CCNY: variants seen among roughly 807,000 people sequenced by gnomAD.
CCNY encodes cyclin Y.
In CCNY, 19 loss-of-function variants were observed where a neutral mutation model predicts 42.8. That is an observed-to-expected ratio of 0.44 (90% CI 0.31 to 0.65). The LOEUF (loss-of-function observed/expected upper bound fraction) is 0.65, where lower values mean the gene tolerates loss of function less well. Ranked by LOEUF, CCNY falls within the 30% of genes least tolerant of loss-of-function variation. CCNY has a pLI of 0.07. For synonymous variants in CCNY, 165 were observed against 162.7 expected, an observed-to-expected ratio of 1.01 and a Z score of -0.11; for missense variants, 370 against 437.3, an observed-to-expected ratio of 0.85 and a Z score of 1.37.
intron 4 of CCNY, among the ~76,000 whole-genome samples, chr10:35,519,573 A>G (rs887632239): frequency 6.6e-6 from 1 of 151,518 alleles, no homozygotes; most frequent in South Asian, 2.1e-4. Flanking sequence ...TCCCCCACCA[A>G]TGTCCCCCTG....
intron 1 of CCNY, among the ~76,000 whole-genome samples, chr10:35,400,451 C>T (rs950158700): frequency 6.6e-6 from 1 of 152,122 alleles, no homozygotes; most frequent in Admixed American, 6.5e-5. Flanking sequence ...GGAATGGAGC[C>T]TTGTAATTGC....
At chr10:35,329,004 A>G (rs935468506) in intron 3 of CCNY, among the ~76,000 whole-genome samples, 1 of 152,254 alleles carries the variant, frequency 6.6e-6, no homozygotes, top group African/African-American at 2.4e-5. Context: ...CTTGATAAGT[A>G]TGTATAAAAT....
chr10:35,401,215 T>G (rs1837637179), intron 1 of CCNY, among the ~76,000 whole-genome samples: 1 of 152,236 alleles, frequency 6.6e-6, no homozygotes, highest in African/African-American at 2.4e-5. Context: ...TCAGGTTTAA[T>G]AAGAATAGAA....
intron 7 of CCNY, among the ~76,000 whole-genome samples, chr10:35,535,388 G>GT (rs1840864615): frequency 6.6e-6 from 1 of 152,096 alleles, no homozygotes; most frequent in African/African-American, 2.4e-5. Flanking sequence ...GCAGTTGTGA[G>GT]TTTGCCCACA....
In CCNY at chr10:35,571,332, A is replaced by G. The variant is rs1841682141; in HGVS notation, c.*2162A>G. 1 of 152,482 alleles carries G rather than the reference A, an allele frequency of 6.6e-6. No homozygotes were observed. The highest frequency in any genetic ancestry group is 1.5e-5 in the Non-Finnish European group (1 of 68,022). 9.4% of individuals were successfully genotyped at this position (152,482 alleles called of 1,614,324 possible). On this transcript the variant is annotated 3_prime_UTR_variant, in exon 10 of 10. Transcript: ENST00000374704. Reference sequence around the variant, plus strand: ...TTAAACTACTTTAAAAAAATTGTATAGTCTATTTATTGTATGTATGTACAT... The same window carrying G: ...TTAAACTACTTTAAAAAAATTGTATGGTCTATTTATTGTATGTATGTACAT...
intron 1 of CCNY, among the ~76,000 whole-genome samples, chr10:35,422,203 C>T (rs1008898978): frequency 3.3e-5 from 5 of 152,074 alleles, no homozygotes; most frequent in Admixed American, 6.5e-5. Context: ...AACCTACAGT[C>T]GTCAATAAAA....
intron 9 of CCNY, among the ~76,000 whole-genome samples, chr10:35,567,346 GTTCACCAGGCTC>G (rs1841592643): frequency 6.6e-6 from 1 of 152,236 alleles, no homozygotes; most frequent in Non-Finnish European, 1.5e-5. Flanking sequence ...CGCCTCATAT[GTTCACCAGGCTC>G]TTCCCACTTG....
intron 3 of CCNY, among the ~76,000 whole-genome samples, chr10:35,288,621 G>A (rs564560395): frequency 6.6e-6 from 1 of 152,204 alleles, no homozygotes; most frequent in East Asian, 1.9e-4. Context: ...TACATTTAAG[G>A]TATACAATCC....
At chr10:35,511,722 G>A (rs192856488) in intron 3 of CCNY, among the ~76,000 whole-genome samples, 12 of 152,338 alleles carry the variant, frequency 7.9e-5, no homozygotes, top group East Asian at 1.9e-4. Context: ...GTGAATACAC[G>A]TAAAGTAACC....
intron 1 of CCNY, among the ~76,000 whole-genome samples, chr10:35,349,314 T>G (rs1251629049): frequency 6.6e-6 from 1 of 152,196 alleles, no homozygotes; most frequent in East Asian, 1.9e-4. Context: ...GCAGAGCCTC[T>G]CCTTGCTACC....
intron 1 of CCNY, among the ~76,000 whole-genome samples, chr10:35,378,000 T>C (rs961931752): frequency 2.6e-5 from 4 of 152,218 alleles, no homozygotes; most frequent in Non-Finnish European, 5.9e-5. Flanking sequence ...TTATGGACTT[T>C]TAAGATAACA....
Position 35,495,034 on chromosome 10 carries a change from C to G in CCNY, c.230-6467C>G, listed in dbSNP as rs113988898. Among the ~76,000 whole-genome samples, 511 of 152,330 alleles carry G rather than the reference C, an allele frequency of 3.4e-3. 4 individuals are homozygous for G. The highest frequency in any genetic ancestry group is 0.012 in the African/African-American group (481 of 41,556). On this transcript the variant is annotated intron_variant, in intron 2 of 9. Transcript: ENST00000374704. ...ACTCATTGGAGCATTTTGGATTTCA[C>G]ATTTTTGGATTTGGGATGCTCAAAT...
At chr10:35,428,457 A>G (rs578196130) in intron 1 of CCNY, among the ~76,000 whole-genome samples, 3 of 152,304 alleles carry the variant, frequency 2.0e-5, no homozygotes, top group African/African-American at 4.8e-5. Flanking sequence ...GAGCGTGCAC[A>G]TGTGTGTGTG....
intron 3 of CCNY, among the ~76,000 whole-genome samples, chr10:35,269,343 G>C (rs1351655451): frequency 6.6e-6 from 1 of 151,688 alleles, no homozygotes; most frequent in African/African-American, 2.4e-5. Flanking sequence ...TTGAGACAGA[G>C]TCTCACTCTG....
chr10:35,369,150 G>T (rs1299497129), intron 1 of CCNY, among the ~76,000 whole-genome samples: 2 of 152,210 alleles, frequency 1.3e-5, no homozygotes, highest in Non-Finnish European at 2.9e-5. Flanking sequence ...AAATGACCTT[G>T]CAGTAGACTG....
intron 1 of CCNY, among the ~76,000 whole-genome samples, chr10:35,358,718 A>G (rs1254850841): frequency 6.6e-6 from 1 of 152,198 alleles, no homozygotes; most frequent in Non-Finnish European, 1.5e-5. Flanking sequence ...GAAGGCAAAG[A>G]TGCCAGCTTC....
Position 35,463,693 on chromosome 10 carries a change from T to G in CCNY, c.155-19711T>G, listed in dbSNP as rs1043718935. Among the ~76,000 whole-genome samples the G allele has an allele frequency of 5.3e-5, 8 of 152,246 alleles. No individual in the cohort carries two copies. In the East Asian group the frequency reaches 1.2e-3, roughly 22 times the overall value. ...TTGTTTTAAAACTCATTATTAAATT[T>G]GGCAGCACATCCTCAACTTGGAGAG... is the stretch of plus-strand genomic sequence containing the variant. On this transcript the variant is annotated intron_variant, in intron 1 of 9. Transcript: ENST00000374704.
At chr10:35,286,466 C>T (rs1835355530) in intron 3 of CCNY, among the ~76,000 whole-genome samples, 1 of 150,816 alleles carries the variant, frequency 6.6e-6, no homozygotes, top group Non-Finnish European at 1.5e-5. Context: ...TCAAGTGATT[C>T]TCCTGCCTCA....
intron 1 of CCNY, among the ~76,000 whole-genome samples, chr10:35,372,041 G>A (rs888046195): frequency 1.3e-5 from 2 of 152,208 alleles, no homozygotes; most frequent in East Asian, 3.9e-4. Flanking sequence ...TGAGACTGGG[G>A]TGTGAAAAGG....
Sources: allele counts gnomAD v4.1 joint callset (sites outside exome capture counted in the v4.1 genomes callset), GRCh38; gene constraint gnomAD v4.1.1; transcripts MANE v1.5; gene names NCBI Gene and HGNC (gene_info 2026-07-23, HGNC 2026-07-21).